Variants in TMTC2 observed in about 807,000 individuals in gnomAD.
The protein encoded by TMTC2 is protein O-mannosyl-transferase TMTC2.
A neutral mutation model predicts 82.4 loss-of-function variants in TMTC2; 43 were observed. That is an observed-to-expected ratio of 0.52 (90% CI 0.41 to 0.67). The LOEUF (loss-of-function observed/expected upper bound fraction) is 0.67, where lower values mean the gene tolerates loss of function less well. Among genes scored for constraint, TMTC2 ranks in the 30% least tolerant of loss-of-function variants. TMTC2 has a pLI of 0.00. For synonymous variants in TMTC2, 408 were observed against 381.9 expected (o/e 1.07, Z -0.80); for missense variants, 919 against 1,012.4 (o/e 0.91, Z 1.25).
intron 8 of TMTC2, among the ~76,000 whole-genome samples, chr12:83,008,136 C>A (rs1011654544): frequency 6.6e-6 from 1 of 152,090 alleles, no homozygotes; most frequent in Non-Finnish European, 1.5e-5. Flanking sequence ...ATGGCAAGAA[C>A]CACAGTTACT....
chr12:83,008,662 T>A (rs947640102), intron 8 of TMTC2, among the ~76,000 whole-genome samples: 2 of 152,260 alleles, frequency 1.3e-5, no homozygotes, highest in Non-Finnish European at 2.9e-5. Context: ...GTCTTTGGAC[T>A]TTGTTTTTCT....
chr12:82,901,340 T>C lies in TMTC2; in HGVS notation c.1483+4694T>C, dbSNP rs1427304387. 5.4e-5 allele frequency among the ~76,000 whole-genome samples: 8 copies of C among 147,088 alleles called. No homozygotes were observed. The Admixed American group carries it at 5.5e-4, about 10-fold the overall frequency. On this transcript the variant is annotated intron_variant, in intron 3 of 11. Transcript: ENST00000321196. ...TTTTTTTTGAGACAGATTCTCGCTC[T>C]GTTGCCCAGGCTGGCATGCAGTGGT...
chr12:82,787,483 A>G lies in TMTC2; in HGVS notation c.84-69527A>G, dbSNP rs571960484. ...AAATGTTTGCTAAACTTTTTCAGACAGTTGCTTAAGTTAGATTTACTTCTT... is the reference window on the plus strand; with the variant it reads ...AAATGTTTGCTAAACTTTTTCAGACGGTTGCTTAAGTTAGATTTACTTCTT... On this transcript the variant is annotated intron_variant, in intron 1 of 11. Transcript: ENST00000321196. 3.8e-4 allele frequency among the ~76,000 whole-genome samples: 58 copies of G among 152,328 alleles called. No individual in the cohort carries two copies. The East Asian group carries it at 7.9e-3, about 21-fold the overall frequency.
intron 1 of TMTC2, among the ~76,000 whole-genome samples, chr12:82,719,491 C>T (rs768406903): frequency 6.6e-6 from 1 of 152,088 alleles, no homozygotes; most frequent in Non-Finnish European, 1.5e-5. Flanking sequence ...ATTTTAGTGA[C>T]TCTTACTTTG....
intron 1 of TMTC2, among the ~76,000 whole-genome samples, chr12:82,852,271 T>TTG (rs1341364198): frequency 6.6e-6 from 1 of 151,568 alleles, no homozygotes; most frequent in Non-Finnish European, 1.5e-5. Context: ...CCGGCTAATT[T>TTG]TGTGTGTGTG....
chr12:82,995,150 A>G (rs1040902923), intron 8 of TMTC2, among the ~76,000 whole-genome samples: 1 of 152,158 alleles, frequency 6.6e-6, no homozygotes, highest in African/African-American at 2.4e-5. Context: ...ATAATATATC[A>G]AGTAGAACAT....
intron 4 of TMTC2, among the ~76,000 whole-genome samples, chr12:82,935,143 G>T (rs1367367319): frequency 6.6e-6 from 1 of 152,012 alleles, no homozygotes; most frequent in East Asian, 1.9e-4. Flanking sequence ...ATATCATTGG[G>T]TTTGCATACC....
At chr12:82,777,827 T>G (rs1877676586) in intron 1 of TMTC2, among the ~76,000 whole-genome samples, 1 of 152,060 alleles carries the variant, frequency 6.6e-6, no homozygotes, top group Non-Finnish European at 1.5e-5. Flanking sequence ...GCTCCTAAAT[T>G]GTTGATGTTC....
At chr12:83,105,816 A>G (rs1884373290) in intron 11 of TMTC2, among the ~76,000 whole-genome samples, 1 of 152,208 alleles carries the variant, frequency 6.6e-6, no homozygotes, top group South Asian at 2.1e-4. Context: ...TTTAAACCTG[A>G]TGAATTCCTT....
intron 7 of TMTC2, among the ~76,000 whole-genome samples, chr12:82,978,847 A>G (rs970147619): frequency 2.0e-5 from 3 of 151,764 alleles, no homozygotes; most frequent in Non-Finnish European, 3.0e-5. Flanking sequence ...TACTTGGTTT[A>G]TATATCTGGG....
chr12:82,829,980 A>G (rs1264783394), intron 1 of TMTC2, among the ~76,000 whole-genome samples: 1 of 152,186 alleles, frequency 6.6e-6, no homozygotes, highest in Non-Finnish European at 1.5e-5. Context: ...ATATAGCCAG[A>G]AAGGTGAGCA....
chr12:83,030,856 A>G lies in TMTC2; in HGVS notation c.2129A>G (p.Lys710Arg). The stretch of plus-strand genomic sequence containing the variant: ...AAGGCTATTGAGCTGGATCCCACCA[A>G]AGGAAACTGTTACATGCATTATGGT... ...FLKAIELDPT[K>R]GNCYMHYGQF... is the part of the protein sequence containing the mutation. The change falls in exon 9 of 12, where the codon AAA becomes AGA. Residue 710 changes from lysine (K) to arginine (R), a missense_variant. By Grantham distance (26) the Lys-to-Arg change is conservative. Transcript: ENST00000321196. 9 of 1,613,498 alleles carry G rather than the reference A, an allele frequency of 5.6e-6. No individual in the cohort carries two copies. The highest frequency in any genetic ancestry group is 7.6e-6 in the Non-Finnish European group (9 of 1,179,516).
At chr12:82,936,903 T>C (rs1344035850) in intron 4 of TMTC2, among the ~76,000 whole-genome samples, 4 of 152,182 alleles carry the variant, frequency 2.6e-5, no homozygotes, top group African/African-American at 9.7e-5. Context: ...TTAAATAAGT[T>C]ATGAAATCCA....
chr12:83,026,108 A>C (rs866938792), intron 8 of TMTC2, among the ~76,000 whole-genome samples: 4 of 152,274 alleles, frequency 2.6e-5, no homozygotes, highest in African/African-American at 9.6e-5. Context: ...GAAAATTCCA[A>C]GTTTCTAATC....
intron 1 of TMTC2, among the ~76,000 whole-genome samples, chr12:82,795,530 G>A (rs565766800): frequency 7.2e-5 from 11 of 152,002 alleles, no homozygotes; most frequent in East Asian, 1.9e-4. Flanking sequence ...CCAAAATTCC[G>A]GTGTTAACAA....
At chr12:83,061,743 T>C in intron 10 of TMTC2, 25 bp from the exon 11 acceptor site, 1 of 1,557,952 alleles carries the variant, frequency 6.4e-7, no homozygotes, top group Non-Finnish European at 8.7e-7. Flanking sequence ...TATGATATAG[T>C]TTTATTTTAT....
intron 7 of TMTC2, among the ~76,000 whole-genome samples, chr12:82,976,261 A>G (rs1336210856): frequency 6.6e-6 from 1 of 152,176 alleles, no homozygotes; most frequent in Non-Finnish European, 1.5e-5. Context: ...AGAAATATTT[A>G]CACAGGCTTC....
intron 11 of TMTC2, among the ~76,000 whole-genome samples, chr12:83,114,961 A>T (rs182971583): frequency 2.6e-5 from 4 of 152,128 alleles, no homozygotes; most frequent in Non-Finnish European, 4.4e-5. Flanking sequence ...TAGGGGAAAA[A>T]ATGAGTCTCT....
intron 11 of TMTC2, among the ~76,000 whole-genome samples, chr12:83,113,494 C>T (rs370942349): frequency 6.6e-6 from 1 of 152,110 alleles, no homozygotes; most frequent in African/African-American, 2.4e-5. Flanking sequence ...ATAAGTGAAC[C>T]TTTACTATGT....
Sources: allele counts gnomAD v4.1 joint callset (sites outside exome capture counted in the v4.1 genomes callset), GRCh38; gene constraint gnomAD v4.1.1; transcripts MANE v1.5; gene names NCBI Gene and HGNC (gene_info 2026-07-23, HGNC 2026-07-21).